WDR49: variants seen among roughly 807,000 people sequenced by gnomAD.
The protein encoded by WDR49 is cilia- and flagella-associated protein 337.
A neutral mutation model predicts 119.5 loss-of-function variants in WDR49; 107 were observed. The ratio of observed to expected loss-of-function variants is 0.90; its 90% CI spans 0.77 to 1.05. The LOEUF (loss-of-function observed/expected upper bound fraction) is 1.05. Among genes scored for constraint, WDR49 ranks in the 50% least tolerant of loss-of-function variants. WDR49 has a pLI of 0.00. For missense variants in WDR49, 1,240 were observed against 1,220.5 expected (o/e 1.02, Z -0.24); for synonymous variants, 425 against 418.8 (o/e 1.01, Z -0.18).
chr3:167,538,625 T>C (rs1356400313), intron 10 of WDR49, among the ~76,000 whole-genome samples: 1 of 152,068 alleles, frequency 6.6e-6, no homozygotes. Flanking sequence ...AATTTCTTAT[T>C]TGCCATGTGG....
intron 2 of WDR49, among the ~76,000 whole-genome samples, chr3:167,635,343 G>A (rs934871039): frequency 1.3e-5 from 2 of 151,646 alleles, no homozygotes; most frequent in Admixed American, 6.6e-5. Context: ...TAAAGGTGGG[G>A]TATTATTCTT....
chr3:167,520,079 ATGTGTGTGTG>A (rs146681932), intron 16 of WDR49, among the ~76,000 whole-genome samples: 1 of 149,180 alleles, frequency 6.7e-6, no homozygotes, highest in Admixed American at 6.7e-5. Flanking sequence ...AAAGAAAAAA[ATGTGTGTGTG>A]TGTGTGTGTG....
chr3:167,556,458 C>T lies in WDR49; in HGVS notation c.1675-1660G>A, dbSNP rs1248926838. ...AGCAGTTCTGGTTAACCTACTTAGA[C>T]AGTGGAGTGAAAACTTAAGCCCAAT... On this transcript the variant is annotated intron_variant, in intron 9 of 18. Transcript: ENST00000682715. Among the ~76,000 whole-genome samples the T allele has an allele frequency of 3.3e-5, 5 of 152,184 alleles. No homozygotes were observed. In the East Asian group the frequency reaches 9.6e-4, roughly 29 times the overall value.
chr3:167,504,362 T>C (rs1055810779), intron 17 of WDR49, among the ~76,000 whole-genome samples: 11 of 152,186 alleles, frequency 7.2e-5, no homozygotes, highest in Admixed American at 1.3e-4. Flanking sequence ...GCCCTGGATG[T>C]GCGCATGGAA....
chr3:167,566,144 C>T (rs897972344), intron 8 of WDR49, among the ~76,000 whole-genome samples: 10 of 152,258 alleles, frequency 6.6e-5, no homozygotes, highest in Middle Eastern at 3.4e-3. Context: ...TCCTCTCCTA[C>T]GCTGGTTTAG....
intron 2 of WDR49, among the ~76,000 whole-genome samples, chr3:167,628,307 T>C (rs1304420667): frequency 6.6e-6 from 1 of 152,014 alleles, no homozygotes; most frequent in Non-Finnish European, 1.5e-5. Flanking sequence ...TTAGGCTTAA[T>C]GGGGAATGCA....
chr3:167,534,996 T>C (rs1487882575), intron 11 of WDR49, among the ~76,000 whole-genome samples: 1 of 152,190 alleles, frequency 6.6e-6, no homozygotes, highest in Non-Finnish European at 1.5e-5. Flanking sequence ...AGCTAATATT[T>C]ATGGATGAGC....
At position 167,620,549 on chromosome 3, in the gene WDR49, T is replaced by C. The variant is rs1716818767; in HGVS notation, c.838A>G (p.Ser280Gly). Reference protein sequence around the residue: ...ALISLFERPASACEDGEATMT... With the variant: ...ALISLFERPAGACEDGEATMT... ...GTGGCTTCTCCATCTTCACATGCAC[T>C]AGCAGGCCGTTCAAACAGGGAAATC... Residue 280 changes from serine to glycine, a missense_variant, in exon 5 of 19, where the codon AGT (serine) becomes GGT (glycine). Physicochemically the swap from Ser to Gly is moderately conservative, Grantham distance 56. Coordinates refer to ENST00000682715, the MANE Select transcript of WDR49 (RefSeq NM_001366157.1). 3 of 1,535,468 alleles carry C rather than the reference T, an allele frequency of 2.0e-6. No individual in the cohort carries two copies. Among genetic ancestry groups the C allele is most frequent in the Admixed American group, 2.0e-5 (1 of 50,954 alleles).
At chr3:167,621,844 T>C (rs1372884005) in intron 3 of WDR49, among the ~76,000 whole-genome samples, 1 of 152,110 alleles carries the variant, frequency 6.6e-6, no homozygotes, top group African/African-American at 2.4e-5. Context: ...CTTTTCCCAT[T>C]AGAGGCATTT....
Position 167,531,408 on chromosome 3 carries a change from G to A in WDR49, c.2054-129C>T. 3.0e-6 allele frequency: 3 copies of A among 1,012,546 alleles called. No homozygotes were observed. The South Asian group carries it at 4.7e-5, about 16-fold the overall frequency. The allele number at this position is 1,012,546 out of a possible 1,614,324, so 62.7% of individuals were successfully genotyped here. On this transcript the variant is annotated intron_variant, in intron 12 of 18. Transcript: ENST00000682715. ...CTCCAAGTCTCACAAGAGACTTCCA[G>A]TCAACATCTATCAAGCCTTCTGCTA... is the stretch of plus-strand genomic sequence containing the variant.
At chr3:167,510,079 C>T (rs751607981) in intron 16 of WDR49, among the ~76,000 whole-genome samples, 9 of 152,116 alleles carry the variant, frequency 5.9e-5, no homozygotes, top group Non-Finnish European at 1.0e-4. Flanking sequence ...CCAAATTTTC[C>T]CGTAATAAAA....
chr3:167,631,495 A>T (rs970746629), intron 2 of WDR49, among the ~76,000 whole-genome samples: 2 of 152,010 alleles, frequency 1.3e-5, no homozygotes, highest in Non-Finnish European at 2.9e-5. Context: ...TGATTTGGGG[A>T]TGAATAAATT....
In WDR49 at chr3:167,551,209, C is replaced by T. The variant is rs116603219; in HGVS notation, c.1823+3441G>A. ...CATATTCTGCCTTTTATGTATTGAC[C>T]TGCCTGCCATCCATAAACAAGTGGA... On this transcript the variant is annotated intron_variant, in intron 10 of 18. Transcript: ENST00000682715. 7.2e-3 allele frequency among the ~76,000 whole-genome samples: 1,096 copies of T among 152,060 alleles called. 17 individuals are homozygous for T. The highest frequency in any genetic ancestry group is 0.025 in the African/African-American group (1,033 of 41,510).
chr3:167,494,701 T>G (rs1473788537), intron 18 of WDR49, among the ~76,000 whole-genome samples: 1 of 152,160 alleles, frequency 6.6e-6, no homozygotes, highest in Non-Finnish European at 1.5e-5. Flanking sequence ...AATTTGGAAG[T>G]GTTTTGATGG....
intron 8 of WDR49, among the ~76,000 whole-genome samples, chr3:167,573,482 T>G (rs1243814333): frequency 6.6e-6 from 1 of 151,948 alleles, no homozygotes; most frequent in East Asian, 1.9e-4. Flanking sequence ...ATTAGATATT[T>G]ATAGGGAGAC....
At chr3:167,505,484 T>C in intron 16 of WDR49, 68 bp from the exon 17 acceptor site, 7 of 1,408,016 alleles carry the variant, frequency 5.0e-6, no homozygotes, top group South Asian at 3.1e-5. Context: ...TTTCTGGCTA[T>C]GTGTATCTTT....
chr3:167,651,672 A>G (rs1718390583), intron 2 of WDR49, among the ~76,000 whole-genome samples: 2 of 152,002 alleles, frequency 1.3e-5, no homozygotes, highest in Non-Finnish European at 2.9e-5. Flanking sequence ...CAAGCTCCGA[A>G]TTACCTTCTC....
intron 18 of WDR49, among the ~76,000 whole-genome samples, chr3:167,481,125 T>C (rs13062550): frequency 0.52 from 78,715 of 150,436 alleles, 21,273 homozygotes; most frequent in African/African-American, 0.68. Flanking sequence ...AGTTTTAAAA[T>C]GAACACAGCA....
In WDR49 at chr3:167,505,331, C is replaced by T. The variant is rs192587330; in HGVS notation, c.2860G>A (p.Gly954Ser). ...CTGAATGATTTTTTTATAACTTCAC[C>T]ATAATAAGGTTTTTGTGTTTCTTTC... Reference protein sequence around the residue: ...CMKETQKPYYGEVIKKSFSTF... With the variant: ...CMKETQKPYYSEVIKKSFSTF... The change falls in exon 17 of 19, where the codon GGT becomes AGT. Residue 954 changes from glycine (G) to serine (S), a missense_variant. Transcript: ENST00000682715. 67 of 1,517,494 alleles carry T rather than the reference C, an allele frequency of 4.4e-5. No individual in the cohort carries two copies. The East Asian group carries it at 1.5e-3, about 33-fold the overall frequency. 94.0% of individuals were successfully genotyped at this position (1,517,494 alleles called of 1,614,324 possible).
Sources: allele counts gnomAD v4.1 joint callset (sites outside exome capture counted in the v4.1 genomes callset), GRCh38; gene constraint gnomAD v4.1.1; transcripts MANE v1.5; gene names NCBI Gene and HGNC (gene_info 2026-07-23, HGNC 2026-07-21).